Variants in JMJD1C observed in about 807,000 individuals in gnomAD.
The protein encoded by JMJD1C is jumonji domain-containing protein 1C.
JMJD1C carries 31 observed loss-of-function variants against 245.3 expected under a neutral mutation model. That is an observed-to-expected ratio of 0.13 (90% CI 0.09 to 0.17). The LOEUF (loss-of-function observed/expected upper bound fraction) is 0.17, where lower values mean the gene tolerates loss of function less well. Among genes scored for constraint, JMJD1C ranks in the 10% least tolerant of loss-of-function variants. The pLI is 1.00. For missense variants in JMJD1C, 2,691 were observed against 3,000.2 expected (o/e 0.90, Z 2.41); for synonymous variants, 1,057 against 1,017.4 (o/e 1.04, Z -0.74).
chr10:63,195,520 T>C (rs1355503560), intron 13 of JMJD1C, among the ~76,000 whole-genome samples: 2 of 152,212 alleles, frequency 1.3e-5, no homozygotes, highest in East Asian at 1.9e-4. Flanking sequence ...TAGACACTTA[T>C]GTGGATTACC....
At chr10:63,200,386 C>G (rs932653753) in intron 11 of JMJD1C, 90 bp downstream of exon 11, 1 of 905,020 alleles carries the variant, frequency 1.1e-6, no homozygotes, top group South Asian at 1.5e-5. Context: ...CTTACTCCCC[C>G]ATCCAAAAGG....
At chr10:63,494,646 T>C (rs1954296483) in intron 1 of JMJD1C, among the ~76,000 whole-genome samples, 1 of 152,210 alleles carries the variant, frequency 6.6e-6, no homozygotes, top group South Asian at 2.1e-4. Context: ...AATTTCCCTT[T>C]TAGAAATCTT....
chr10:63,500,806 T>C (rs763231849), intron 1 of JMJD1C, among the ~76,000 whole-genome samples: 23 of 143,632 alleles, frequency 1.6e-4, no homozygotes, highest in East Asian at 2.0e-4. Flanking sequence ...CACGGATGCA[T>C]GGATGCACAG....
At chr10:63,459,148 A>C (rs745733308) in intron 1 of JMJD1C, among the ~76,000 whole-genome samples, 2 of 152,186 alleles carry the variant, frequency 1.3e-5, no homozygotes, top group East Asian at 3.8e-4. Context: ...TTAGAACAGA[A>C]CCCTAAAAGT....
At chr10:63,186,185 G>A in intron 19 of JMJD1C, 30 bp downstream of exon 19, 1 of 1,533,602 alleles carries the variant, frequency 6.5e-7, no homozygotes, top group African/African-American at 1.4e-5. Context: ...GAGTATGATG[G>A]AGAAAATAGT....
chr10:63,336,466 A>G (rs962987722), intron 2 of JMJD1C, among the ~76,000 whole-genome samples: 2 of 152,134 alleles, frequency 1.3e-5, no homozygotes, highest in Non-Finnish European at 2.9e-5. Context: ...TCAAAAAATA[A>G]TAATAAATAA....
intron 2 of JMJD1C, among the ~76,000 whole-genome samples, chr10:63,315,706 G>A (rs998559820): frequency 2.6e-5 from 4 of 151,922 alleles, no homozygotes; most frequent in African/African-American, 7.3e-5. Context: ...TTGGCATGGT[G>A]GCATGCACCT....
At position 63,233,726 on chromosome 10, in the gene JMJD1C, TA is replaced by T. The variant is rs1457892793; in HGVS notation, c.448-13744del. ...TATATGTATCTCCATATATACATAT[TA>T]TATATATATATATATCCACACACGC... is the stretch of plus-strand genomic sequence containing the variant. On this transcript the variant is annotated intron_variant, in intron 3 of 25. Coordinates refer to ENST00000399262, the MANE Select transcript of JMJD1C (RefSeq NM_032776.3). Among the ~76,000 whole-genome samples, 4 of 100,080 alleles carry T rather than the reference TA, an allele frequency of 4.0e-5. No individual in the cohort carries two copies. In the African/African-American group the frequency reaches 4.1e-4, roughly 10 times the overall value. The allele number at this position is 100,080 out of a possible 152,430, so 65.7% of individuals were successfully genotyped here. A position where few individuals can be genotyped will look rare whatever the true frequency, so the allele number is the denominator to read the frequency against.
intron 2 of JMJD1C, among the ~76,000 whole-genome samples, chr10:63,323,571 A>T (rs1033080643): frequency 2.0e-5 from 3 of 152,214 alleles, no homozygotes; most frequent in African/African-American, 7.2e-5. Flanking sequence ...AGCACAAGTT[A>T]TAAAACAATG....
At chr10:63,257,032 C>T (rs555905200) in intron 3 of JMJD1C, among the ~76,000 whole-genome samples, 19 of 151,914 alleles carry the variant, frequency 1.3e-4, no homozygotes, top group African/African-American at 4.1e-4. Context: ...GTTAGGAGTT[C>T]GAGAACATCC....
At chr10:63,246,438 AAAAAC>A (rs199702507) in intron 3 of JMJD1C, among the ~76,000 whole-genome samples, 1 of 152,092 alleles carries the variant, frequency 6.6e-6, no homozygotes, top group South Asian at 2.1e-4. Flanking sequence ...AATAAAAATA[AAAAAC>A]AAAACAAAAC....
chr10:63,408,276 G>A (rs977190831), intron 1 of JMJD1C, among the ~76,000 whole-genome samples: 1 of 151,946 alleles, frequency 6.6e-6, no homozygotes, highest in Non-Finnish European at 1.5e-5. Flanking sequence ...GGAGGCGGGC[G>A]CCTGTAATCC....
At chr10:63,296,805 GAT>G (rs776932554) in intron 2 of JMJD1C, among the ~76,000 whole-genome samples, 3 of 152,192 alleles carry the variant, frequency 2.0e-5, no homozygotes, top group Admixed American at 6.5e-5. Flanking sequence ...AGCTGTAAAA[GAT>G]AGTCTCTCCT....
chr10:63,467,941 T>C (rs933594733), upstream of JMJD1C, among the ~76,000 whole-genome samples: 46 of 152,192 alleles, frequency 3.0e-4, no homozygotes, highest in African/African-American at 1.0e-3. Context: ...TCATCAGTTA[T>C]TACATAAATC....
chr10:63,473,661 G>A (rs946747960), intron 1 of JMJD1C, among the ~76,000 whole-genome samples: 2 of 152,158 alleles, frequency 1.3e-5, no homozygotes, highest in African/African-American at 4.8e-5. Context: ...TTGTTGTAAA[G>A]CTGAATTTTC....
At chr10:63,257,223 T>C (rs1368357762) in intron 3 of JMJD1C, among the ~76,000 whole-genome samples, 3 of 66,892 alleles carry the variant, frequency 4.5e-5, no homozygotes, top group Admixed American at 3.2e-4. Context: ...TGAGACTTCA[T>C]CTCAAAAAAA....
intron 2 of JMJD1C, among the ~76,000 whole-genome samples, chr10:63,270,162 T>A (rs983767399): frequency 6.6e-6 from 1 of 152,150 alleles, no homozygotes; most frequent in Non-Finnish European, 1.5e-5. Flanking sequence ...GCTCTAATAG[T>A]AAGTTCTCTC....
At chr10:63,503,918 G>GT (rs1187615102) in intron 1 of JMJD1C, among the ~76,000 whole-genome samples, 2 of 152,292 alleles carry the variant, frequency 1.3e-5, no homozygotes, top group South Asian at 2.1e-4. Flanking sequence ...AGATTAAGCA[G>GT]TATCTCCAAC....
chr10:63,307,807 G>A (rs906748167), intron 2 of JMJD1C, among the ~76,000 whole-genome samples: 2 of 152,092 alleles, frequency 1.3e-5, no homozygotes, highest in Non-Finnish European at 2.9e-5. Context: ...TCTCAATACA[G>A]AGAAAACCCA....
Sources: gnomAD v4.1 joint callset for allele counts (sites outside exome capture counted in the v4.1 genomes callset) on GRCh38, gnomAD v4.1.1 for gene constraint, MANE v1.5 for transcripts, NCBI Gene and HGNC (gene_info 2026-07-23, HGNC 2026-07-21) for gene names.